Variants in PCDH15 observed in about 807,000 individuals in gnomAD.
PCDH15 encodes the protein protocadherin-15.
In PCDH15, 129 loss-of-function variants were observed where a neutral mutation model predicts 178.5. The ratio of observed to expected loss-of-function variants is 0.72; its 90% CI spans 0.63 to 0.84. The LOEUF (loss-of-function observed/expected upper bound fraction) is 0.84. Among genes scored for constraint, PCDH15 ranks in the 40% least tolerant of loss-of-function variants. PCDH15 has a pLI of 0.00. For missense variants in PCDH15, 2,230 were observed against 2,099.9 expected (o/e 1.06, Z -1.21); for synonymous variants, 800 against 732.0 (o/e 1.09, Z -1.50).
intron 32 of PCDH15, chr10:53,822,722 G>C: frequency 1.2e-6 from 2 of 1,614,106 alleles, no homozygotes; most frequent in African/African-American, 1.3e-5. Context: ...AGAATGAGAA[G>C]TGAGGCCTGG....
chr10:53,873,370 C>T (rs2080007561), intron 26 of PCDH15, among the ~76,000 whole-genome samples: 2 of 152,186 alleles, frequency 1.3e-5, no homozygotes, highest in African/African-American at 4.8e-5. Context: ...CCGCTGTTTG[C>T]TAACATTTAT....
chr10:53,865,253 A>G (rs1260705554), intron 27 of PCDH15, among the ~76,000 whole-genome samples: 3 of 152,210 alleles, frequency 2.0e-5, no homozygotes, highest in Non-Finnish European at 4.4e-5. Flanking sequence ...GAAAGCAAGA[A>G]AGTTAAATTT....
At chr10:54,143,428 A>C (rs1056812195) in intron 14 of PCDH15, among the ~76,000 whole-genome samples, 3 of 152,134 alleles carry the variant, frequency 2.0e-5, no homozygotes, top group African/African-American at 7.2e-5. Flanking sequence ...GTGACTTATA[A>C]TCAGCTACAG....
chr10:55,049,527 G>A (rs751713148), intron 2 of PCDH15, among the ~76,000 whole-genome samples: 4 of 151,696 alleles, frequency 2.6e-5, no homozygotes, highest in Non-Finnish European at 4.4e-5. Flanking sequence ...ATAGTCTCAC[G>A]GAGAAAAGTG....
rs987638619 is a variant in PCDH15 at position 53,810,456 on chromosome 10, A to C, written c.4671+100T>G. The C allele has an allele frequency of 5.3e-5, 57 of 1,070,184 alleles. No individual in the cohort carries two copies. The African/African-American group carries it at 8.6e-4, about 16-fold the overall frequency. The allele number at this position is 1,070,184 out of a possible 1,614,324, so 66.3% of individuals were successfully genotyped here. ...TGGGAAATACGTACTAAGTGAAAGG[A>C]ATTTCTAAAAGCTGAAATGTTCTAC... On this transcript the variant is annotated intron_variant, in intron 37 of 37. Transcript: ENST00000644397.
intron 2 of PCDH15, among the ~76,000 whole-genome samples, chr10:55,505,910 G>C (rs1441469621): frequency 6.6e-6 from 1 of 151,348 alleles, no homozygotes; most frequent in African/African-American, 2.4e-5. Flanking sequence ...ACTAAGTAAA[G>C]AGATTGAAAA....
intron 2 of PCDH15, among the ~76,000 whole-genome samples, chr10:55,522,852 G>C (rs1841214516): frequency 3.3e-5 from 5 of 151,076 alleles, no homozygotes; most frequent in African/African-American, 9.8e-5. Context: ...TTTGTTCATT[G>C]TTTTTTGACT....
At chr10:53,972,590 C>T (rs2089818724) in intron 21 of PCDH15, among the ~76,000 whole-genome samples, 1 of 152,110 alleles carries the variant, frequency 6.6e-6, no homozygotes, top group Non-Finnish European at 1.5e-5. Flanking sequence ...AACAGATTTA[C>T]AAGAAAAAAT....
At position 53,974,861 on chromosome 10, in the gene PCDH15, A is replaced by AC. The variant is rs893785090; in HGVS notation, c.2869-12970dup. The stretch of plus-strand genomic sequence containing the variant: ...GTTTCATAATGCTGAGGTTTGGGGT[A>AC]CAATTGATCCAGTCATCGAGGTAGT... On this transcript the variant is annotated intron_variant, in intron 21 of 37. Transcript: ENST00000644397. Among the ~76,000 whole-genome samples the AC allele has an allele frequency of 4.3e-4, 65 of 152,112 alleles. 1 individual carries two copies. The highest frequency in any genetic ancestry group is 1.4e-3 in the Admixed American group (21 of 15,252).
chr10:54,722,783 T>G (rs1941852472), intron 1 of PCDH15, among the ~76,000 whole-genome samples: 1 of 151,490 alleles, frequency 6.6e-6, no homozygotes, highest in Non-Finnish European at 1.5e-5. Context: ...AGAATCAATC[T>G]CATTTAAAAT....
At chr10:54,884,359 T>G (rs1339102879) in intron 3 of PCDH15, among the ~76,000 whole-genome samples, 5 of 152,066 alleles carry the variant, frequency 3.3e-5, no homozygotes, top group African/African-American at 1.2e-4. Flanking sequence ...ACTTTCTACT[T>G]TATAATAAGA....
intron 2 of PCDH15, among the ~76,000 whole-genome samples, chr10:54,972,105 A>C (rs1838949093): frequency 6.6e-6 from 1 of 152,216 alleles, no homozygotes; most frequent in Non-Finnish European, 1.5e-5. Flanking sequence ...GGGCTTCAAA[A>C]AGGGAAAAGC....
chr10:53,898,005 C>T lies in PCDH15; in HGVS notation c.3501+5238G>A, dbSNP rs1231953162. ...TTTTTGAGACAGAGTCTCGCTCTGTCGCCCAGGCTGGAGTGCAGTGGCGTG... is the reference window on the plus strand; with the variant it reads ...TTTTTGAGACAGAGTCTCGCTCTGTTGCCCAGGCTGGAGTGCAGTGGCGTG... On this transcript the variant is annotated intron_variant, in intron 26 of 37. Transcript: ENST00000644397. Among the ~76,000 whole-genome samples, 14 of 124,996 alleles carry T rather than the reference C, an allele frequency of 1.1e-4. No individual in the cohort carries two copies. In the South Asian group the frequency reaches 2.9e-3, roughly 26 times the overall value. The allele number at this position is 124,996 out of a possible 152,430, so 82.0% of individuals were successfully genotyped here.
chr10:55,081,625 A>G (rs1448352013), intron 2 of PCDH15, among the ~76,000 whole-genome samples: 2 of 152,166 alleles, frequency 1.3e-5, no homozygotes, highest in Non-Finnish European at 2.9e-5. Context: ...AGGATGCCTG[A>G]GAGAGCTCCC....
At chr10:55,609,694 A>G (rs377214392) in intron 2 of PCDH15, among the ~76,000 whole-genome samples, 2 of 152,124 alleles carry the variant, frequency 1.3e-5, no homozygotes, top group African/African-American at 4.8e-5. Context: ...TAATCGTGCT[A>G]TCTATTTAAC....
intron 2 of PCDH15, among the ~76,000 whole-genome samples, chr10:54,925,003 T>A (rs1237764711): frequency 6.6e-6 from 1 of 152,176 alleles, no homozygotes; most frequent in Admixed American, 6.5e-5. Flanking sequence ...GGCATCTTCA[T>A]CATGAACTAT....
chr10:54,265,163 A>G (rs2057590325), intron 8 of PCDH15, among the ~76,000 whole-genome samples: 2 of 152,114 alleles, frequency 1.3e-5, no homozygotes, highest in African/African-American at 4.8e-5. Context: ...CTTCAAAACT[A>G]AGCTTCATAA....
intron 2 of PCDH15, among the ~76,000 whole-genome samples, chr10:55,412,015 C>T (rs1220837236): frequency 6.6e-6 from 1 of 151,994 alleles, no homozygotes; most frequent in East Asian, 1.9e-4. Context: ...ATTTTACAAT[C>T]TGCGATGTTT....
intron 3 of PCDH15, among the ~76,000 whole-genome samples, chr10:54,523,179 C>T (rs1038598800): frequency 6.6e-6 from 1 of 152,070 alleles, no homozygotes; most frequent in Non-Finnish European, 1.5e-5. Context: ...ATCTAGAAAG[C>T]AAAAACTTGG....
Sources: gnomAD v4.1 joint callset for allele counts (sites outside exome capture counted in the v4.1 genomes callset) on GRCh38, gnomAD v4.1.1 for gene constraint, MANE v1.5 for transcripts, NCBI Gene and HGNC (gene_info 2026-07-23, HGNC 2026-07-21) for gene names.